NRG1: variants seen among roughly 807,000 people sequenced by gnomAD.
The protein encoded by NRG1 is pro-neuregulin-1, membrane-bound isoform.
A neutral mutation model predicts 63.8 loss-of-function variants in NRG1; 18 were observed. The ratio of observed to expected loss-of-function variants is 0.28; its 90% CI spans 0.19 to 0.42. NRG1 has a LOEUF of 0.42. Among genes scored for constraint, NRG1 ranks in the 10% least tolerant of loss-of-function variants. The probability of loss-of-function intolerance (pLI) is 1.00; values close to 1 mark genes in which losing one functional copy is unlikely to be tolerated. For synonymous variants in NRG1, 302 were observed against 301.3 expected (o/e 1.00, Z -0.02); for missense variants, 762 against 814.7 (o/e 0.94, Z 0.79).
intron 1 of NRG1, among the ~76,000 whole-genome samples, chr8:32,396,693 C>A (rs989858598): frequency 4.6e-5 from 7 of 152,162 alleles, no homozygotes; most frequent in Non-Finnish European, 1.0e-4. Context: ...GGTGGTCCAC[C>A]TCCCTCGGCC....
At chr8:31,833,343 C>G (rs532695082) in intron 1 of NRG1, among the ~76,000 whole-genome samples, 1 of 152,148 alleles carries the variant, frequency 6.6e-6, no homozygotes, top group Non-Finnish European at 1.5e-5. Context: ...CCTTGTTCAG[C>G]TTTGGTTATT....
intron 1 of NRG1, among the ~76,000 whole-genome samples, chr8:31,785,126 G>C (rs994669798): frequency 6.6e-6 from 1 of 152,120 alleles, no homozygotes; most frequent in African/African-American, 2.4e-5. Flanking sequence ...CAGTGGAGGT[G>C]ATGTGGTGAA....
chr8:32,163,659 A>G (rs1286961905), intron 1 of NRG1, among the ~76,000 whole-genome samples: 3 of 152,202 alleles, frequency 2.0e-5, no homozygotes, highest in Non-Finnish European at 1.5e-5. Context: ...ATGGGGTCAT[A>G]GTCTTCAATT....
chr8:32,517,721 TAATGA>T (rs774490177), intron 1 of NRG1, among the ~76,000 whole-genome samples: 1 of 152,182 alleles, frequency 6.6e-6, no homozygotes, highest in Non-Finnish European at 1.5e-5. Flanking sequence ...GAGCATAAAA[TAATGA>T]AATGCTATTT....
At chr8:31,861,033 C>A (rs147622259) in intron 1 of NRG1, among the ~76,000 whole-genome samples, 3 of 152,302 alleles carry the variant, frequency 2.0e-5, no homozygotes, top group African/African-American at 7.2e-5. Context: ...AACCTGCCAA[C>A]GTTAGTGATA....
chr8:32,183,191 T>A (rs1284334804), intron 1 of NRG1, among the ~76,000 whole-genome samples: 1 of 152,186 alleles, frequency 6.6e-6, no homozygotes, highest in Non-Finnish European at 1.5e-5. Flanking sequence ...TTGTAGAACG[T>A]GCGTTCTAAC....
At chr8:31,768,956 T>C (rs1486130865) in intron 1 of NRG1, among the ~76,000 whole-genome samples, 1 of 152,174 alleles carries the variant, frequency 6.6e-6, no homozygotes, top group African/African-American at 2.4e-5. Flanking sequence ...CCATGGAGTA[T>C]CTCATAGTTG....
chr8:31,766,531 T>C (rs1818080978), intron 1 of NRG1, among the ~76,000 whole-genome samples: 1 of 152,196 alleles, frequency 6.6e-6, no homozygotes, highest in South Asian at 2.1e-4. Context: ...CCCTAGGAAA[T>C]GTCAGTAGAG....
chr8:32,077,939 G>A (rs749060311), intron 1 of NRG1, among the ~76,000 whole-genome samples: 1 of 152,160 alleles, frequency 6.6e-6, no homozygotes, highest in Non-Finnish European at 1.5e-5. Context: ...CCAACAGGAA[G>A]CAATCATGTA....
At chr8:32,501,733 T>A (rs1024514167) in intron 1 of NRG1, among the ~76,000 whole-genome samples, 6 of 152,244 alleles carry the variant, frequency 3.9e-5, no homozygotes, top group African/African-American at 1.4e-4. Flanking sequence ...CTTGGTTTTC[T>A]GAAATAATCA....
intron 1 of NRG1, among the ~76,000 whole-genome samples, chr8:31,991,859 A>T (rs573442282): frequency 6.6e-6 from 1 of 151,838 alleles, no homozygotes; most frequent in Non-Finnish European, 1.5e-5. Flanking sequence ...AAATTTCTCT[A>T]TGCTTCTGCC....
In NRG1 at chr8:32,479,812, G is replaced by T. The variant is rs112962960; in HGVS notation, c.38-116016G>T. Among the ~76,000 whole-genome samples the T allele has an allele frequency of 1.5e-3, 229 of 152,088 alleles. 1 individual carries two copies. The highest frequency in any genetic ancestry group is 5.3e-3 in the African/African-American group (218 of 41,496). ...CTACAGGCATGCATCACCATGCCCAGCTAATTTTTTCTATTTTGGCAGGGA... is the reference window on the plus strand; with the variant it reads ...CTACAGGCATGCATCACCATGCCCATCTAATTTTTTCTATTTTGGCAGGGA... On this transcript the variant is annotated intron_variant, in intron 1 of 10. Transcript: ENST00000519301.
intron 1 of NRG1, among the ~76,000 whole-genome samples, chr8:32,097,542 A>G (rs1830047126): frequency 6.6e-6 from 1 of 152,176 alleles, no homozygotes; most frequent in Non-Finnish European, 1.5e-5. Context: ...CATACTAACT[A>G]GGGTAAGATA....
At chr8:32,660,714 A>T (rs990812298) in intron 5 of NRG1, among the ~76,000 whole-genome samples, 3 of 152,168 alleles carry the variant, frequency 2.0e-5, no homozygotes, top group Admixed American at 6.5e-5. Context: ...CGATTTTCTC[A>T]TCTGTGAAAT....
chr8:31,976,465 CAT>C, intron 1 of NRG1, among the ~76,000 whole-genome samples: 1 of 152,290 alleles, frequency 6.6e-6, no homozygotes, highest in South Asian at 2.1e-4. Context: ...CTACCACTGA[CAT>C]GTTGCATGTG....
At chr8:32,483,894 G>A (rs1382788865) in intron 1 of NRG1, among the ~76,000 whole-genome samples, 1 of 152,148 alleles carries the variant, frequency 6.6e-6, no homozygotes, top group African/African-American at 2.4e-5. Context: ...CACAAGCTCA[G>A]GAGATCGAGA....
chr8:32,662,150 A>G (rs889336930), intron 5 of NRG1, among the ~76,000 whole-genome samples: 18 of 152,222 alleles, frequency 1.2e-4, no homozygotes, highest in African/African-American at 3.9e-4. Flanking sequence ...TGTATCAATA[A>G]GAAATAAAAT....
chr8:31,950,972 G>GA (rs1803376019), intron 1 of NRG1, among the ~76,000 whole-genome samples: 1 of 152,164 alleles, frequency 6.6e-6, no homozygotes, highest in Admixed American at 6.5e-5. Flanking sequence ...CTAAGTAATG[G>GA]AAAATAACAG....
At chr8:32,031,838 C>T (rs960941202) in intron 1 of NRG1, among the ~76,000 whole-genome samples, 1 of 152,114 alleles carries the variant, frequency 6.6e-6, no homozygotes, top group African/African-American at 2.4e-5. Flanking sequence ...ATATGTAGCA[C>T]ATTTTCTTTA....
Sources: allele counts gnomAD v4.1 joint callset (sites outside exome capture counted in the v4.1 genomes callset), GRCh38; gene constraint gnomAD v4.1.1; transcripts MANE v1.5; gene names NCBI Gene and HGNC (gene_info 2026-07-23, HGNC 2026-07-21).